LIMS2: variants seen among roughly 807,000 people sequenced by gnomAD.
LIMS2 encodes LIM and senescent cell antigen-like-containing domain protein 2.
LIMS2 carries 30 observed loss-of-function variants against 45.3 expected under a neutral mutation model. That is an observed-to-expected ratio of 0.66 (90% CI 0.50 to 0.90). The LOEUF (loss-of-function observed/expected upper bound fraction) is 0.90. Among genes scored for constraint, LIMS2 ranks in the 40% least tolerant of loss-of-function variants. The probability of loss-of-function intolerance (pLI) is 0.00; values close to 1 mark genes in which losing one functional copy is unlikely to be tolerated. For missense variants in LIMS2, 485 were observed against 468.7 expected (o/e 1.03, Z -0.32); for synonymous variants, 173 against 188.0 (o/e 0.92, Z 0.65).
In LIMS2 at chr2:127,674,650, G is replaced by C. The variant is rs551672770; in HGVS notation, c.11+364C>G. On this transcript the variant is annotated intron_variant, in intron 1 of 9. Coordinates refer to ENST00000355119, the MANE Select transcript of LIMS2 (RefSeq NM_001161403.3). Reference sequence around the variant, plus strand: ...ATCGGGGATCGCACAGCGCGGGCTCGGGGAAGTTGGGGGAGGCACGCAACC... The same window carrying C: ...ATCGGGGATCGCACAGCGCGGGCTCCGGGAAGTTGGGGGAGGCACGCAACC... The C allele has an allele frequency of 5.3e-4, 520 of 984,724 alleles. 2 individuals carry two copies. The African/African-American group carries it at 8.7e-3, about 17-fold the overall frequency. The allele number at this position is 984,724 out of a possible 1,614,324, so 61.0% of individuals were successfully genotyped here.
chr2:127,653,946 G>C lies in LIMS2; in HGVS notation c.359+478C>G, dbSNP rs188121752. Among the ~76,000 whole-genome samples the C allele has an allele frequency of 6.6e-6, 1 of 152,136 alleles. No individual in the cohort carries two copies. Among genetic ancestry groups the C allele is most frequent in the South Asian group, 2.1e-4 (1 of 4,836 alleles). On this transcript the variant is annotated intron_variant, in intron 4 of 9. Transcript: ENST00000355119. The surrounding 1 kb of genome is among the most constrained non-coding windows in gnomAD (Gnocchi z 5.3). ...CGGGCTGCACGGGATCTCAGAGCTA[G>C]GGCCAGGGGAGGTGGGAGACAAGGC... is the stretch of plus-strand genomic sequence containing the variant.
chr2:127,658,094 G>A (rs1479814369), intron 1 of LIMS2, among the ~76,000 whole-genome samples: 2 of 152,210 alleles, frequency 1.3e-5, no homozygotes, highest in Non-Finnish European at 2.9e-5. Flanking sequence ...GCAGGCAAGA[G>A]GGTAGCTGGG....
rs561779545 is a variant in LIMS2, at chr2:127,672,091, G to A, written c.11+2923C>T. On this transcript the variant is annotated intron_variant, in intron 1 of 9. Coordinates refer to ENST00000355119, the MANE Select transcript of LIMS2 (RefSeq NM_001161403.3). The surrounding 1 kb of genome is among the most constrained non-coding windows in gnomAD (Gnocchi z 4.9). ...CAGCCTCACATGTGACACACATGAC[G>A]GTCACACCATGGGTGGGACTCCACT... 1.1e-4 allele frequency among the ~76,000 whole-genome samples: 16 copies of A among 152,272 alleles called. 1 individual carries two copies. The highest frequency in any genetic ancestry group is 6.2e-4 in the South Asian group (3 of 4,822).
chr2:127,681,267 T>C (rs536707057), intron 1 of LIMS2: 2 of 152,650 alleles, frequency 1.3e-5, no homozygotes, highest in East Asian at 3.8e-4. Context: ...AGCGCAGCGA[T>C]TGGCAGGTGG....
At position 127,670,812 on chromosome 2, in the gene LIMS2, G is replaced by T. The variant is rs1273796606; in HGVS notation, c.11+4202C>A. 3.9e-5 allele frequency among the ~76,000 whole-genome samples: 6 copies of T among 152,200 alleles called. No homozygotes were observed. In the East Asian group the frequency reaches 9.6e-4, roughly 24 times the overall value. ...ACAGAGGCAGAGATGCCACAAACAG[G>T]CTGTCCTCCAGAGCCAGCTCCCCCA... On this transcript the variant is annotated intron_variant, in intron 1 of 9. Transcript: ENST00000355119.
chr2:127,655,136 T>C lies in LIMS2; in HGVS notation c.172-240A>G, dbSNP rs368451000. The stretch of plus-strand genomic sequence containing the variant: ...CTGGAGAGGTCCGTGAGGCCACCTG[T>C]CAAAGGGCCACTGGTGTCTACTGAG... On this transcript the variant is annotated intron_variant, in intron 2 of 9. Transcript: ENST00000355119. 1,925 of 597,914 alleles carry C rather than the reference T, an allele frequency of 3.2e-3. 53 individuals carry two copies. The South Asian group carries it at 0.036, about 11-fold the overall frequency. The allele number at this position is 597,914 out of a possible 1,614,324, so 37.0% of individuals were successfully genotyped here. A position where few individuals can be genotyped will look rare whatever the true frequency, so the allele number is the denominator to read the frequency against.
At chr2:127,665,327 C>G (rs1684945898) in intron 1 of LIMS2, among the ~76,000 whole-genome samples, 1 of 152,182 alleles carries the variant, frequency 6.6e-6, no homozygotes, top group South Asian at 2.1e-4. Context: ...TCACTAAAGA[C>G]AGCAGGGCAC....
At chr2:127,641,747 T>C (rs1682428562) in intron 6 of LIMS2, 1 of 336,794 alleles carries the variant, frequency 3.0e-6, no homozygotes, top group Non-Finnish European at 5.5e-6. Context: ...CCAGGCACTC[T>C]GGACAGACTG....
rs1391216403 is a variant in LIMS2, at chr2:127,653,487, T to A, written c.359+937A>T. On this transcript the variant is annotated intron_variant, in intron 4 of 9. Coordinates refer to ENST00000355119, the MANE Select transcript of LIMS2 (RefSeq NM_001161403.3). The surrounding 1 kb of genome is among the most constrained non-coding windows in gnomAD (Gnocchi z 5.3). ...TGGAGCCTGGAATTCTCCAGACACA[T>A]GTGCCATTTAGGGCTCTAGGATTCT... Among the ~76,000 whole-genome samples, 1 of 152,138 alleles carries A rather than the reference T, an allele frequency of 6.6e-6. No homozygotes were observed. Among genetic ancestry groups the A allele is most frequent in the African/African-American group, 2.4e-5 (1 of 41,410 alleles).
rs1163037177 is a variant in LIMS2, at chr2:127,649,033, AAAAG to A, written c.359+5387_359+5390del. Reference sequence around the variant, plus strand: ...AGGGGAGGGAGGGAGGAAAGAAAGAAAAAGAAAGAAAGAGAAAAGAAGAAAGGAA... The same window carrying A: ...AGGGGAGGGAGGGAGGAAAGAAAGAAAAAGAAAGAGAAAAGAAGAAAGGAA... On this transcript the variant is annotated intron_variant, in intron 4 of 9. Transcript: ENST00000355119. 1.3e-4 allele frequency among the ~76,000 whole-genome samples: 14 copies of A among 110,552 alleles called. 1 individual carries two copies. The highest frequency in any genetic ancestry group is 2.3e-4 in the East Asian group (1 of 4,284). The allele number at this position is 110,552 out of a possible 152,430, so 72.5% of individuals were successfully genotyped here. A position where few individuals can be genotyped will look rare whatever the true frequency, so the allele number is the denominator to read the frequency against.
chr2:127,672,415 C>T lies in LIMS2; in HGVS notation c.11+2599G>A, dbSNP rs1446874219. ...TGGCTACTCCTGGGCTTCAGCCCCTCCATGCCCAGGTGCCTCCCACGGCTC... is the reference window on the plus strand; with the variant it reads ...TGGCTACTCCTGGGCTTCAGCCCCTTCATGCCCAGGTGCCTCCCACGGCTC... On this transcript the variant is annotated intron_variant, in intron 1 of 9. Transcript: ENST00000355119. This position sits in a 1 kb window ranked among gnomAD's most constrained non-coding sequence, Gnocchi z 4.9. Among the ~76,000 whole-genome samples the T allele has an allele frequency of 1.3e-5, 2 of 152,166 alleles. No individual in the cohort carries two copies. Among genetic ancestry groups the T allele is most frequent in the African/African-American group, 4.8e-5 (2 of 41,432 alleles).
At chr2:127,670,903 G>C (rs1685242796) in intron 1 of LIMS2, among the ~76,000 whole-genome samples, 1 of 152,236 alleles carries the variant, frequency 6.6e-6, no homozygotes, top group Admixed American at 6.5e-5. Flanking sequence ...CCAAGGACGT[G>C]GGTGAGGACA....
intron 1 of LIMS2, among the ~76,000 whole-genome samples, chr2:127,657,785 C>T (rs1395421539): frequency 1.3e-5 from 2 of 152,242 alleles, no homozygotes; most frequent in African/African-American, 4.8e-5. Flanking sequence ...GCCCCTATTA[C>T]CCCTTCTTCA....
At chr2:127,655,858 G>A (rs1289387128) in intron 2 of LIMS2, 1 of 152,286 alleles carries the variant, frequency 6.6e-6, no homozygotes, top group Non-Finnish European at 1.5e-5. Flanking sequence ...GCCAGCATCT[G>A]ACCCCTGGCC....
chr2:127,650,329 CT>C, intron 4 of LIMS2: 1 of 561,356 alleles, frequency 1.8e-6, no homozygotes, highest in South Asian at 2.1e-5. Context: ...CTCACCACCC[CT>C]GTCACTCAGA....
chr2:127,639,497 G>T, intron 9 of LIMS2, 69 bp from the exon 10 acceptor site: 4 of 1,577,338 alleles, frequency 2.5e-6, no homozygotes, highest in Non-Finnish European at 3.5e-6. Context: ...GGTGACTGTG[G>T]AGTGGGCTTC....
In LIMS2 at chr2:127,660,441, G is replaced by A. The variant is rs180729644; in HGVS notation, c.12-2879C>T. Among the ~76,000 whole-genome samples the A allele has an allele frequency of 1.1e-3, 160 of 152,324 alleles. 1 individual carries two copies. Among genetic ancestry groups the A allele is most frequent in the African/African-American group, 3.5e-3 (147 of 41,566 alleles). The stretch of plus-strand genomic sequence containing the variant: ...GTAATGTTCACAGCGAAGGTCTGCA[G>A]TTTCAATCCTGAAGCCAGCGAGACC... On this transcript the variant is annotated intron_variant, in intron 1 of 9. Transcript: ENST00000355119.
In LIMS2 at chr2:127,639,008, A is replaced by G; in HGVS notation, c.*273T>C. ...CCTGTCCCTGGAGGTCTGTGGGCGG[A>G]AGCTGTGGGCACAGGTGGACATGGC... On this transcript the variant is annotated 3_prime_UTR_variant, in exon 10 of 10. Coordinates refer to ENST00000355119, the MANE Select transcript of LIMS2 (RefSeq NM_001161403.3). The G allele has an allele frequency of 2.2e-6, 1 of 452,288 alleles. No individual in the cohort carries two copies. Among genetic ancestry groups the G allele is most frequent in the Non-Finnish European group, 4.0e-6 (1 of 251,130 alleles). The allele number at this position is 452,288 out of a possible 1,614,324, so 28.0% of individuals were successfully genotyped here.
rs1685063523 is a variant in LIMS2, at chr2:127,667,431, C to T, written c.11+7583G>A. On this transcript the variant is annotated intron_variant, in intron 1 of 9. Coordinates refer to ENST00000355119, the MANE Select transcript of LIMS2 (RefSeq NM_001161403.3). This position sits in a 1 kb window ranked among gnomAD's most constrained non-coding sequence, Gnocchi z 4.1. ...TGATCTCAAAATAAAATGCTAAAGTCACATAGATGCAAATGTCCTCGATAA... is the reference window on the plus strand; with the variant it reads ...TGATCTCAAAATAAAATGCTAAAGTTACATAGATGCAAATGTCCTCGATAA... Among the ~76,000 whole-genome samples, 1 of 152,200 alleles carries T rather than the reference C, an allele frequency of 6.6e-6. No homozygotes were observed. Among genetic ancestry groups the T allele is most frequent in the Non-Finnish European group, 1.5e-5 (1 of 68,034 alleles).
Sources: gnomAD v4.1 joint callset for allele counts (sites outside exome capture counted in the v4.1 genomes callset) on GRCh38, gnomAD v4.1.1 for gene constraint, Gnocchi (gnomAD v3.1) non-coding constraint, MANE v1.5 for transcripts, NCBI Gene and HGNC (gene_info 2026-07-23, HGNC 2026-07-21) for gene names.